Variants in HCN1 observed in about 807,000 individuals in gnomAD.
HCN1 encodes potassium/sodium hyperpolarization-activated cyclic nucleotide-gated channel 1.
Under a neutral mutation model 78.9 loss-of-function variants are expected in HCN1, and 13 were observed. The observed-to-expected ratio is 0.16, with a 90% confidence interval of 0.11 to 0.26. The LOEUF (loss-of-function observed/expected upper bound fraction) is 0.26, where lower values mean the gene tolerates loss of function less well. HCN1 is among the 10% of genes least tolerant of loss of function. The pLI, the probability that HCN1 is intolerant of heterozygous loss-of-function variation, is 1.00. For synonymous variants in HCN1, 552 were observed against 455.5 expected (o/e 1.21, Z -2.70); for missense variants, 810 against 1,154.3 (o/e 0.70, Z 4.32).
intron 5 of HCN1, among the ~76,000 whole-genome samples, chr5:45,345,769 T>G (rs1193881505): frequency 6.6e-6 from 1 of 152,236 alleles, no homozygotes; most frequent in Non-Finnish European, 1.5e-5. Flanking sequence ...TCCCACATTT[T>G]ACTCTCTTCT....
chr5:45,560,963 T>A (rs1743587282), intron 2 of HCN1, among the ~76,000 whole-genome samples: 1 of 152,116 alleles, frequency 6.6e-6, no homozygotes, highest in Admixed American at 6.6e-5. Flanking sequence ...TAAACTAATA[T>A]CAAATTCTAA....
At chr5:45,303,478 G>A in intron 6 of HCN1, 121 bp downstream of exon 6, 2 of 935,766 alleles carry the variant, frequency 2.1e-6, no homozygotes, top group Non-Finnish European at 3.4e-6. Flanking sequence ...ACTTTTATCA[G>A]AATTCACATA....
intron 2 of HCN1, among the ~76,000 whole-genome samples, chr5:45,549,489 A>T (rs927697944): frequency 3.3e-5 from 5 of 152,212 alleles, no homozygotes; most frequent in Non-Finnish European, 5.9e-5. Context: ...CTTATACAAA[A>T]ATTAATCCAA....
intron 6 of HCN1, among the ~76,000 whole-genome samples, chr5:45,278,084 T>C (rs1029775409): frequency 6.6e-6 from 1 of 152,128 alleles, no homozygotes; most frequent in East Asian, 1.9e-4. Flanking sequence ...ATGCACTCTA[T>C]CATCAGTTAA....
At chr5:45,525,351 A>T (rs958031028) in intron 2 of HCN1, among the ~76,000 whole-genome samples, 2 of 152,030 alleles carry the variant, frequency 1.3e-5, no homozygotes, top group African/African-American at 4.8e-5. Flanking sequence ...GTAAGATATT[A>T]GACTTGTAAA....
chr5:45,514,406 G>A (rs946019282), intron 2 of HCN1, among the ~76,000 whole-genome samples: 1 of 152,034 alleles, frequency 6.6e-6, no homozygotes, highest in Non-Finnish European at 1.5e-5. Context: ...CAATCTGGCT[G>A]TAGCCAGACA....
intron 2 of HCN1, among the ~76,000 whole-genome samples, chr5:45,467,028 A>T (rs779258379): frequency 6.6e-6 from 1 of 152,084 alleles, no homozygotes; most frequent in Non-Finnish European, 1.5e-5. Context: ...AGCCTCCTCC[A>T]AGTATTGTCC....
chr5:45,312,429 C>G (rs1354998457), intron 5 of HCN1, among the ~76,000 whole-genome samples: 3 of 152,120 alleles, frequency 2.0e-5, no homozygotes, highest in African/African-American at 7.2e-5. Context: ...GTCTACAGCT[C>G]CCAGTGTGAG....
intron 5 of HCN1, among the ~76,000 whole-genome samples, chr5:45,317,398 C>A (rs1364790482): frequency 1.3e-5 from 2 of 152,172 alleles, no homozygotes; most frequent in African/African-American, 4.8e-5. Context: ...CTTCCTTACA[C>A]CTTATACAAA....
intron 3 of HCN1, among the ~76,000 whole-genome samples, chr5:45,410,268 T>C (rs1739998826): frequency 6.6e-6 from 1 of 152,030 alleles, no homozygotes; most frequent in Admixed American, 6.6e-5. Context: ...GGTAGCAGTA[T>C]CTCTCTACTG....
chr5:45,463,490 G>T (rs1453749878), intron 2 of HCN1, among the ~76,000 whole-genome samples: 1 of 151,900 alleles, frequency 6.6e-6, no homozygotes, highest in Non-Finnish European at 1.5e-5. Context: ...CACATATTTT[G>T]ATATTCAGAC....
At chr5:45,419,509 C>T (rs1277535273) in intron 3 of HCN1, among the ~76,000 whole-genome samples, 1 of 152,148 alleles carries the variant, frequency 6.6e-6, no homozygotes, top group Non-Finnish European at 1.5e-5. Flanking sequence ...GTTTCTGTTA[C>T]CTAAGAATGA....
chr5:45,660,851 A>G (rs1328558685), intron 1 of HCN1, among the ~76,000 whole-genome samples: 1 of 127,254 alleles, frequency 7.9e-6, no homozygotes, highest in African/African-American at 3.1e-5. Flanking sequence ...ACACATTAAT[A>G]ATGGGAGACT....
Position 45,261,662 on chromosome 5 carries a change from A to C in HCN1, c.*259T>G. 3.5e-6 allele frequency: 1 copy of C among 288,082 alleles called. No homozygotes were observed. The highest frequency in any genetic ancestry group is 6.5e-5 in the East Asian group (1 of 15,498). 17.8% of individuals were successfully genotyped at this position (288,082 alleles called of 1,614,324 possible). A position where few individuals can be genotyped will look rare whatever the true frequency, so the allele number is the denominator to read the frequency against. ...ATAAATAATCTTACAACGACATTTT[A>C]AATCCTTTAATGATTTAAAGAAAGG... On this transcript the variant is annotated 3_prime_UTR_variant, in exon 8 of 8. Transcript: ENST00000303230.
chr5:45,676,071 G>A (rs1037426046), intron 1 of HCN1, among the ~76,000 whole-genome samples: 6 of 151,752 alleles, frequency 4.0e-5, no homozygotes, highest in African/African-American at 1.4e-4. Flanking sequence ...TATAAAGGAT[G>A]TGAGTGCATG....
intron 6 of HCN1, among the ~76,000 whole-genome samples, chr5:45,298,146 C>A (rs1027592502): frequency 2.0e-5 from 3 of 151,968 alleles, no homozygotes; most frequent in African/African-American, 7.2e-5. Flanking sequence ...GAGGTGAAGA[C>A]TTTATGAGTT....
intron 5 of HCN1, among the ~76,000 whole-genome samples, chr5:45,305,774 A>AAAGG (rs58352441): frequency 8.1e-5 from 12 of 147,924 alleles, no homozygotes; most frequent in South Asian, 4.4e-4. Flanking sequence ...AGGGAGGAAG[A>AAAGG]AAGGAAGGAA....
chr5:45,350,837 C>T (rs1415575733), intron 5 of HCN1, among the ~76,000 whole-genome samples: 1 of 152,116 alleles, frequency 6.6e-6, no homozygotes, highest in African/African-American at 2.4e-5. Flanking sequence ...AGGACCTCTT[C>T]AAGGAGAACT....
intron 2 of HCN1, among the ~76,000 whole-genome samples, chr5:45,626,686 A>G (rs770696389): frequency 6.6e-6 from 1 of 152,110 alleles, no homozygotes; most frequent in Admixed American, 6.6e-5. Flanking sequence ...AAAAACAGAA[A>G]TAAGTCTAAT....
Sources: gnomAD v4.1 joint callset for allele counts (sites outside exome capture counted in the v4.1 genomes callset) on GRCh38, gnomAD v4.1.1 for gene constraint, MANE v1.5 for transcripts, NCBI Gene and HGNC (gene_info 2026-07-23, HGNC 2026-07-21) for gene names.